TTC3: variants seen among roughly 807,000 people sequenced by gnomAD.
The protein encoded by TTC3 is tetratricopeptide repeat domain 3.
TTC3 carries 180 observed loss-of-function variants against 249.6 expected under a neutral mutation model. That is an observed-to-expected ratio of 0.72 (90% CI 0.64 to 0.82). The LOEUF is 0.82. Among genes scored for constraint, TTC3 ranks in the 40% least tolerant of loss-of-function variants. The pLI, the probability that TTC3 is intolerant of heterozygous loss-of-function variation, is 0.00. For missense variants in TTC3, 2,061 were observed against 2,398.4 expected (o/e 0.86, Z 2.94); for synonymous variants, 717 against 805.0 (o/e 0.89, Z 1.85).
rs35693053 is a variant in TTC3, at chr21:37,196,237, C to CTTTT, written c.5579+215_5579+218dup. Among the ~76,000 whole-genome samples the CTTTT allele has an allele frequency of 4.0e-4, 48 of 120,336 alleles. 1 individual carries two copies. The highest frequency in any genetic ancestry group is 1.5e-3 in the East Asian group (6 of 4,064). The allele number at this position is 120,336 out of a possible 152,430, so 78.9% of individuals were successfully genotyped here. On this transcript the variant is annotated intron_variant, in intron 42 of 45. Transcript: ENST00000355666. ...AAATAAATTGGTGGGTTTTTTCTTT[C>CTTTT]TTTTTTTTTTTTTTTTTGAGACAGA...
At chr21:37,189,426 A>G (rs1296296377) in intron 39 of TTC3, among the ~76,000 whole-genome samples, 2 of 151,444 alleles carry the variant, frequency 1.3e-5, no homozygotes, top group African/African-American at 4.9e-5. Context: ...TTGTATTTGT[A>G]GTAGATATGG....
intron 35 of TTC3, among the ~76,000 whole-genome samples, chr21:37,176,476 A>C (rs2148127158): frequency 6.6e-6 from 1 of 152,338 alleles, no homozygotes; most frequent in East Asian, 1.9e-4. Context: ...TTTGGCCCAG[A>C]ATAATTTACA....
At chr21:37,145,344 C>T (rs2078892938) in intron 21 of TTC3, among the ~76,000 whole-genome samples, 1 of 152,194 alleles carries the variant, frequency 6.6e-6, no homozygotes, top group Non-Finnish European at 1.5e-5. Context: ...ATAGACATTT[C>T]TGCAACGAAG....
chr21:37,145,585 A>G (rs2078913720), intron 21 of TTC3, among the ~76,000 whole-genome samples: 1 of 152,230 alleles, frequency 6.6e-6, no homozygotes. Flanking sequence ...AAACAGTTAA[A>G]CATAGAGTTA....
chr21:37,193,436 GTTTT>G (rs1329183577), intron 41 of TTC3, among the ~76,000 whole-genome samples: 1 of 151,726 alleles, frequency 6.6e-6, no homozygotes, highest in Non-Finnish European at 1.5e-5. Flanking sequence ...TTGAGATCCA[GTTTT>G]TTCTCTCCAT....
At chr21:37,111,884 GA>G (rs1427497161) in intron 11 of TTC3, among the ~76,000 whole-genome samples, 1 of 151,902 alleles carries the variant, frequency 6.6e-6, no homozygotes, top group Non-Finnish European at 1.5e-5. Context: ...TGGAACTCAG[GA>G]TTAAGAAACT....
intron 7 of TTC3, among the ~76,000 whole-genome samples, chr21:37,092,072 C>A (rs2073347730): frequency 6.6e-6 from 1 of 152,124 alleles, no homozygotes; most frequent in South Asian, 2.1e-4. Context: ...TTTTTATTTT[C>A]TTCATGAATC....
Position 37,148,661 on chromosome 21 carries a change from G to A in TTC3, c.2118+14G>A. The A allele has an allele frequency of 6.5e-7, 1 of 1,533,062 alleles. No homozygotes were observed. The allele number at this position is 1,533,062 out of a possible 1,614,324, so 95.0% of individuals were successfully genotyped here. Reference sequence around the variant, plus strand: ...AAAATTGACAAGGTAAAGCATAACAGGATTGTCTGAATTTTTCAGTATACT... The same window carrying A: ...AAAATTGACAAGGTAAAGCATAACAAGATTGTCTGAATTTTTCAGTATACT... On this transcript the variant is annotated intron_variant, in intron 23 of 45. Transcript: ENST00000355666.
In TTC3 at chr21:37,088,298, A is replaced by G. The variant is rs768783742; in HGVS notation, c.290A>G (p.His97Arg). 9 of 1,613,618 alleles carry G rather than the reference A, an allele frequency of 5.6e-6. No homozygotes were observed. The East Asian group carries it at 1.3e-4, about 24-fold the overall frequency. ...ATCTTCTGGCCACTTCTGTTTCAACATCAAAACAGTTCCGTAATATCACGA... is the reference window on the plus strand; with the variant it reads ...ATCTTCTGGCCACTTCTGTTTCAACGTCAAAACAGTTCCGTAATATCACGA... Residue 97 changes from histidine to arginine, a missense_variant, in exon 4 of 46, where the codon CAT (histidine) becomes CGT (arginine). Physicochemically the swap from His to Arg is conservative, Grantham distance 29. Around this residue, in one of 3 missense-constraint regions of TTC3, gnomAD observed 989 missense variants for 1,145.1 expected, o/e 0.86. Coordinates refer to ENST00000355666, the Ensembl canonical transcript of TTC3.
intron 18 of TTC3, among the ~76,000 whole-genome samples, chr21:37,136,956 A>G (rs889656612): frequency 3.9e-5 from 6 of 152,220 alleles, no homozygotes; most frequent in Admixed American, 6.5e-5. Context: ...ATGCTAATTC[A>G]CTCTGCCTGG....
intron 10 of TTC3, among the ~76,000 whole-genome samples, chr21:37,105,004 G>A (rs921911811): frequency 2.6e-5 from 4 of 152,204 alleles, no homozygotes; most frequent in African/African-American, 7.2e-5. Context: ...ATTGGAGAAG[G>A]ATGAGCCTGC....
Position 37,187,101 on chromosome 21 carries a change from A to T in TTC3, c.4879A>T (p.Lys1627Ter). ...AATAGAAGAGTATATAAAGAAAGGG[A>T]AAGAGGATTATGAAGAGAGTCATCA... Residue 1627 changes from lysine (K) to a stop codon, truncating the protein, a stop_gained, in exon 38 of 46, where the codon AAA (lysine) becomes TAA (stop). Transcript: ENST00000355666. LOFTEE classifies it high-confidence loss of function. 1 of 1,575,300 alleles carries T rather than the reference A, an allele frequency of 6.3e-7. No individual in the cohort carries two copies. The highest frequency in any genetic ancestry group is 1.4e-5 in the African/African-American group (1 of 72,330).
At chr21:37,129,122 G>A in intron 16 of TTC3, 59 bp downstream of exon 16, 2 of 1,324,204 alleles carry the variant, frequency 1.5e-6, no homozygotes, top group East Asian at 2.6e-5. Context: ...CCAAGAAAAA[G>A]GAAAAAAAAT....
At chr21:37,119,229 G>A (rs917236364) in intron 11 of TTC3, among the ~76,000 whole-genome samples, 5 of 151,916 alleles carry the variant, frequency 3.3e-5, no homozygotes, top group Admixed American at 6.6e-5. Context: ...TTTTTTAGGC[G>A]GGACTATAGT....
Position 37,121,542 on chromosome 21 carries a change from A to G in TTC3, c.901-275A>G, listed in dbSNP as rs573496225. Among the ~76,000 whole-genome samples, 50 of 152,362 alleles carry G rather than the reference A, an allele frequency of 3.3e-4. 1 individual carries two copies. The South Asian group carries it at 0.01, about 32-fold the overall frequency. ...TATTCTCTGTTAGCAAAATATAACA[A>G]AAGTTGAACTCTGCTGGGGGTACAG... On this transcript the variant is annotated intron_variant, in intron 11 of 45. Transcript: ENST00000355666.
At chr21:37,107,367 C>T (rs551847579) in intron 10 of TTC3, among the ~76,000 whole-genome samples, 1 of 152,066 alleles carries the variant, frequency 6.6e-6, no homozygotes, top group Non-Finnish European at 1.5e-5. Flanking sequence ...GAAGTTTGAA[C>T]AGTTTTGAGT....
chr21:37,163,984 C>A (rs1037861074), intron 31 of TTC3, 67 bp from the exon 32 acceptor site: 5 of 1,498,600 alleles, frequency 3.3e-6, no homozygotes, highest in Non-Finnish European at 4.5e-6. Flanking sequence ...AGACATTCTT[C>A]TGGTTAAATA....
intron 19 of TTC3, 150 bp from the exon 20 acceptor site, chr21:37,140,409 GAA>G (rs2078336150): frequency 1.9e-6 from 1 of 514,230 alleles, no homozygotes; most frequent in Non-Finnish European, 3.3e-6. Flanking sequence ...TAATTCCTAA[GAA>G]AGTGAAACAC....
intron 28 of TTC3, 57 bp from the exon 29 acceptor site, chr21:37,159,642 C>A (rs1376651845): frequency 5.4e-5 from 84 of 1,547,278 alleles, no homozygotes; most frequent in Non-Finnish European, 1.5e-5. Context: ...CTTTAGTGTA[C>A]TATATGGAAA....
Sources: allele counts gnomAD v4.1 joint callset (sites outside exome capture counted in the v4.1 genomes callset), GRCh38; gene constraint gnomAD v4.1.1; regional missense constraint gnomAD v4.1.1; transcripts MANE v1.5; gene names NCBI Gene and HGNC (gene_info 2026-07-23, HGNC 2026-07-21).